Variants in SERPINB7 observed in about 807,000 individuals in gnomAD.
SERPINB7 encodes the protein serpin family B member 7.
Under a neutral mutation model 37.4 loss-of-function variants are expected in SERPINB7, and 31 were observed. The ratio of observed to expected loss-of-function variants is 0.83; its 90% CI spans 0.62 to 1.12. The LOEUF (loss-of-function observed/expected upper bound fraction) is 1.12. Among genes scored for constraint, SERPINB7 ranks in the 50% most tolerant of loss-of-function variants. The pLI is 0.00. For missense variants in SERPINB7, 521 were observed against 455.3 expected (o/e 1.14, Z -1.31); for synonymous variants, 163 against 166.1 (o/e 0.98, Z 0.14).
upstream of SERPINB7, among the ~76,000 whole-genome samples, chr18:63,774,267 C>A (rs1277562360): frequency 6.6e-6 from 1 of 151,984 alleles, no homozygotes; most frequent in African/African-American, 2.4e-5. Context: ...TTAACAGGAC[C>A]CCCTTCTTCC....
intron 1 of SERPINB7, among the ~76,000 whole-genome samples, chr18:63,780,578 C>T (rs2049291700): frequency 6.6e-6 from 1 of 152,132 alleles, no homozygotes; most frequent in African/African-American, 2.4e-5. Context: ...TAGCTTTAAT[C>T]ACAATTGCCA....
At chr18:63,798,570 A>G (rs2049512629) in intron 5 of SERPINB7, 34 bp from the exon 6 acceptor site, 1 of 1,499,598 alleles carries the variant, frequency 6.7e-7, no homozygotes, top group Non-Finnish European at 9.0e-7. Flanking sequence ...TTATATTAAA[A>G]TAAACATTTT....
At position 63,755,695 on chromosome 18, in the gene SERPINB7, C is replaced by A. The variant is rs80097216; in HGVS notation, c.-19+2575C>A. Among the ~76,000 whole-genome samples the A allele has an allele frequency of 9.2e-3, 1,394 of 151,974 alleles. 84 individuals are homozygous for A. In the East Asian group the frequency reaches 0.17, roughly 18 times the overall value. On this transcript the variant is annotated intron_variant, in intron 1 of 7. Coordinates refer to the SERPINB7 transcript ENST00000336429. ...ATTGCTTGAGCCCGGGAATTGGAGA[C>A]AAGCCTGGACAACATAGCAAGACCC...
At chr18:63,793,862 TAGA>T (rs1217792328) in intron 4 of SERPINB7, among the ~76,000 whole-genome samples, 4 of 152,074 alleles carry the variant, frequency 2.6e-5, no homozygotes, top group African/African-American at 9.7e-5. Context: ...AGACAAGTCT[TAGA>T]AGGAGATCAA....
chr18:63,789,198 G>T lies in SERPINB7; in HGVS notation c.169-3195G>T, dbSNP rs571091210. On this transcript the variant is annotated intron_variant, in intron 2 of 7. Coordinates refer to ENST00000398019, the MANE Select transcript of SERPINB7 (RefSeq NM_003784.4). ...TCCTTGAACTGTTTCAAAGATTAGC[G>T]AGCTGGTCCCATCAACTCCTGACCC... Among the ~76,000 whole-genome samples, 8 of 152,148 alleles carry T rather than the reference G, an allele frequency of 5.3e-5. No homozygotes were observed. In the East Asian group the frequency reaches 1.5e-3, roughly 29 times the overall value.
At chr18:63,793,079 C>A in intron 3 of SERPINB7, 82 bp from the exon 4 acceptor site, 2 of 646,808 alleles carry the variant, frequency 3.1e-6, no homozygotes, top group Non-Finnish European at 5.1e-6. Flanking sequence ...GTATAATTTG[C>A]ATGTTTTGTT....
At chr18:63,766,589 T>G (rs2049182032) in intron 1 of SERPINB7, among the ~76,000 whole-genome samples, 1 of 152,138 alleles carries the variant, frequency 6.6e-6, no homozygotes, top group South Asian at 2.1e-4. Context: ...CTCATGCCCT[T>G]GGGGATCATT....
intron 1 of SERPINB7, among the ~76,000 whole-genome samples, chr18:63,777,006 T>C (rs910879365): frequency 6.6e-6 from 1 of 152,044 alleles, no homozygotes; most frequent in African/African-American, 2.4e-5. Context: ...TTAGCATTAA[T>C]CATACAACGA....
At chr18:63,801,548 T>A (rs1401272356) in intron 7 of SERPINB7, among the ~76,000 whole-genome samples, 3 of 152,114 alleles carry the variant, frequency 2.0e-5, no homozygotes, top group African/African-American at 7.2e-5. Flanking sequence ...GGAGATGAAG[T>A]CACTACTACT....
intron 6 of SERPINB7, among the ~76,000 whole-genome samples, chr18:63,800,319 C>T (rs1232101189): frequency 6.6e-6 from 1 of 152,022 alleles, no homozygotes; most frequent in East Asian, 1.9e-4. Context: ...GCCTGGACCT[C>T]CCAAAGTGCT....
chr18:63,796,217 C>A, intron 4 of SERPINB7, 49 bp from the exon 5 acceptor site: 1 of 1,050,304 alleles, frequency 9.5e-7, no homozygotes, highest in Non-Finnish European at 1.5e-6. Flanking sequence ...TTCTTATATA[C>A]TTAGTTGGTG....
chr18:63,775,107 A>G (rs2049235649), upstream of SERPINB7, among the ~76,000 whole-genome samples: 1 of 152,074 alleles, frequency 6.6e-6, no homozygotes, highest in Admixed American at 6.6e-5. Flanking sequence ...GCCTTAGTTG[A>G]TTTGATGTCT....
At chr18:63,798,292 C>G (rs1334690486) in intron 5 of SERPINB7, among the ~76,000 whole-genome samples, 1 of 152,132 alleles carries the variant, frequency 6.6e-6, no homozygotes, top group African/African-American at 2.4e-5. Context: ...GGTTGTCTCC[C>G]TGGGTTGGAA....
At chr18:63,783,814 G>A (rs913957595) in intron 2 of SERPINB7, among the ~76,000 whole-genome samples, 4 of 152,106 alleles carry the variant, frequency 2.6e-5, no homozygotes, top group African/African-American at 9.7e-5. Flanking sequence ...AGTTCTGAAG[G>A]GCTTGCCAGA....
At chr18:63,801,164 C>T (rs1599022930) in intron 7 of SERPINB7, 152 bp downstream of exon 7, 1 of 740,588 alleles carries the variant, frequency 1.4e-6, no homozygotes, top group Non-Finnish European at 2.2e-6. Context: ...TTAAGGGGTA[C>T]CTAGTATGAG....
rs369991082 is a variant in SERPINB7, at chr18:63,801,058, G to A, written c.744+46G>A. Reference sequence around the variant, plus strand: ...TCACTATTGGGAAATAAGACTTTTAGGATACTGTTGATTGAGTTTTCACTG... The same window carrying A: ...TCACTATTGGGAAATAAGACTTTTAAGATACTGTTGATTGAGTTTTCACTG... On this transcript the variant is annotated intron_variant, in intron 7 of 7. Transcript: ENST00000398019. 5.0e-4 allele frequency: 794 copies of A among 1,587,884 alleles called. 10 individuals carry two copies. In the South Asian group the frequency reaches 7.9e-3, roughly 16 times the overall value.
intron 7 of SERPINB7, among the ~76,000 whole-genome samples, chr18:63,803,124 A>G (rs2049567604): frequency 6.6e-6 from 1 of 152,156 alleles, no homozygotes; most frequent in Admixed American, 6.5e-5. Flanking sequence ...TCAGTAATAG[A>G]TTTACCTAAT....
At position 63,804,659 on chromosome 18, in the gene SERPINB7, G is replaced by A; in HGVS notation, c.*24G>A. ...GAAAATCCAATTGGTTTCTGTTATA[G>A]CAGTCCCCACAACATCAAAGAACCA... On this transcript the variant is annotated 3_prime_UTR_variant, in exon 8 of 8. Transcript: ENST00000398019. 2 of 1,574,118 alleles carry A rather than the reference G, an allele frequency of 1.3e-6. No homozygotes were observed. Among genetic ancestry groups the A allele is most frequent in the African/African-American group, 1.4e-5 (1 of 73,708 alleles).
chr18:63,799,959 G>T (rs1025272920), intron 6 of SERPINB7, among the ~76,000 whole-genome samples: 1 of 152,120 alleles, frequency 6.6e-6, no homozygotes, highest in Non-Finnish European at 1.5e-5. Context: ...ATATTCTCAA[G>T]ATAAGAGCTA....
Sources: allele counts gnomAD v4.1 joint callset (sites outside exome capture counted in the v4.1 genomes callset), GRCh38; gene constraint gnomAD v4.1.1; transcripts MANE v1.5; gene names NCBI Gene and HGNC (gene_info 2026-07-23, HGNC 2026-07-21).